The following LAPTM4B variants were observed in gnomAD, a reference collection of about 807,000 sequenced individuals.
LAPTM4B encodes the protein lysosomal protein transmembrane 4 beta.
A neutral mutation model predicts 28.5 loss-of-function variants in LAPTM4B; 26 were observed. The ratio of observed to expected loss-of-function variants is 0.91; its 90% CI spans 0.67 to 1.27. The LOEUF (loss-of-function observed/expected upper bound fraction) is 1.27. Ranked by LOEUF, LAPTM4B falls within the 50% of genes most tolerant of loss-of-function variation. The pLI is 0.00. For synonymous variants in LAPTM4B, 109 were observed against 106.4 expected (o/e 1.02, Z -0.15); for missense variants, 288 against 285.8 (o/e 1.01, Z -0.06).
At chr8:97,851,254 G>T in intron 6 of LAPTM4B, 143 bp from the exon 7 acceptor site, 2 of 688,976 alleles carry the variant, frequency 2.9e-6, no homozygotes, top group Non-Finnish European at 5.2e-6. Context: ...GTCTTTTAAT[G>T]AAGTGTATCC....
intron 5 of LAPTM4B, among the ~76,000 whole-genome samples, chr8:97,820,997 A>G (rs62524124): frequency 1 from 151,114 of 151,424 alleles, 75,407 homozygotes; most frequent in Middle Eastern, 1. Flanking sequence ...AAAGTGCTGG[A>G]ATTACAGGCA....
intron 1 of LAPTM4B, among the ~76,000 whole-genome samples, chr8:97,781,440 G>A (rs1816318342): frequency 6.6e-6 from 1 of 151,386 alleles, no homozygotes; most frequent in Non-Finnish European, 1.5e-5. Flanking sequence ...ACTGCGCTTG[G>A]CTAATTTTTG....
chr8:97,848,890 G>A (rs1447561384), intron 6 of LAPTM4B, among the ~76,000 whole-genome samples: 2 of 152,166 alleles, frequency 1.3e-5, no homozygotes, highest in Non-Finnish European at 2.9e-5. Context: ...ATATGCACAC[G>A]CAGAGAAGAC....
chr8:97,849,799 C>A (rs1817492714), intron 6 of LAPTM4B, among the ~76,000 whole-genome samples: 1 of 150,154 alleles, frequency 6.7e-6, no homozygotes, highest in South Asian at 2.1e-4. Flanking sequence ...GCCACCCCCC[C>A]TCCTCCACCC....
At chr8:97,825,513 A>T (rs1399441568) in intron 6 of LAPTM4B, among the ~76,000 whole-genome samples, 1 of 152,204 alleles carries the variant, frequency 6.6e-6, no homozygotes, top group Admixed American at 6.5e-5. Flanking sequence ...ATATTAACTC[A>T]CTTTATATGT....
At chr8:97,784,268 TG>T (rs1221906033) in intron 1 of LAPTM4B, among the ~76,000 whole-genome samples, 1 of 152,210 alleles carries the variant, frequency 6.6e-6, no homozygotes, top group African/African-American at 2.4e-5. Context: ...CGGACTGATT[TG>T]TGGCAATTGT....
rs1420134432 is a variant in LAPTM4B, at chr8:97,852,714, T to G, written c.*1240T>G. 1.7e-3 allele frequency: 199 copies of G among 120,602 alleles called. No individual in the cohort carries two copies. Among genetic ancestry groups the G allele is most frequent in the Middle Eastern group, 3.6e-3 (1 of 278 alleles). The allele number at this position is 120,602 out of a possible 1,614,324, so 7.5% of individuals were successfully genotyped here. On this transcript the variant is annotated 3_prime_UTR_variant, in exon 7 of 7. Coordinates refer to ENST00000521545, the MANE Select transcript of LAPTM4B (RefSeq NM_018407.6). ...TAGGCTTTTTTTTGGGGGGGGGAGG[T>G]CGGGTGGGGGGGATTTTTAATCTTT... is the stretch of plus-strand genomic sequence containing the variant.
chr8:97,781,585 CAGTTAAATGT>C (rs1321293775), intron 1 of LAPTM4B, among the ~76,000 whole-genome samples: 1 of 151,918 alleles, frequency 6.6e-6, no homozygotes. Context: ...GCAAAATTCA[CAGTTAAATGT>C]AGTTTATTGA....
At position 97,821,549 on chromosome 8, in the gene LAPTM4B, G is replaced by A. The variant is rs528689504; in HGVS notation, c.507+2311G>A. Among the ~76,000 whole-genome samples, 4 of 127,592 alleles carry A rather than the reference G, an allele frequency of 3.1e-5. No homozygotes were observed. In the South Asian group the frequency reaches 8.3e-4, roughly 27 times the overall value. 83.7% of individuals were successfully genotyped at this position (127,592 alleles called of 152,430 possible). ...GTAGTGAGGACGTGTGGATGTAGGG[G>A]TGGACAGGTGAGGACGTGAGGATAG... On this transcript the variant is annotated intron_variant, in intron 5 of 6. Transcript: ENST00000521545.
At chr8:97,798,314 T>C (rs1296686681) in intron 1 of LAPTM4B, among the ~76,000 whole-genome samples, 2 of 152,170 alleles carry the variant, frequency 1.3e-5, no homozygotes, top group South Asian at 4.1e-4. Flanking sequence ...CCATTTTCTA[T>C]TCACATCATT....
At chr8:97,776,168 C>T (rs1816210254) in intron 1 of LAPTM4B, 60 bp downstream of exon 1, 3 of 1,481,120 alleles carry the variant, frequency 2.0e-6, no homozygotes, top group East Asian at 2.7e-5. Context: ...AGCTGGGCTT[C>T]TGGCCCGGCC....
rs372514042 is a variant in LAPTM4B at position 97,833,484 on chromosome 8, G to A, written c.603+8331G>A. On this transcript the variant is annotated intron_variant, in intron 6 of 6. Transcript: ENST00000521545. ...TATCCAGTAAGTGCTCAGGTTTCCA[G>A]TTGTGTCATAAAGGGATAATTTTCT... Among the ~76,000 whole-genome samples the A allele has an allele frequency of 2.0e-5, 3 of 152,192 alleles. No individual in the cohort carries two copies. The East Asian group carries it at 5.8e-4, about 29-fold the overall frequency.
intron 6 of LAPTM4B, among the ~76,000 whole-genome samples, chr8:97,830,759 G>A (rs77216288): frequency 0.013 from 1,929 of 152,232 alleles, 30 homozygotes; most frequent in South Asian, 0.041. Flanking sequence ...GTCCACCGAG[G>A]TTGTAGAGTT....
intron 6 of LAPTM4B, among the ~76,000 whole-genome samples, chr8:97,825,639 G>A (rs1817080401): frequency 6.6e-6 from 1 of 152,188 alleles, no homozygotes; most frequent in Admixed American, 6.5e-5. Context: ...GATGATCTCT[G>A]TTCTGCTACT....
chr8:97,779,820 G>A (rs56326440), intron 1 of LAPTM4B, among the ~76,000 whole-genome samples: 3,901 of 151,596 alleles, frequency 0.026, 160 homozygotes, highest in African/African-American at 0.081. Flanking sequence ...TTGGGAGGCC[G>A]AGGTGAGTGG....
At chr8:97,787,721 C>A (rs1816426175) in intron 1 of LAPTM4B, among the ~76,000 whole-genome samples, 1 of 150,918 alleles carries the variant, frequency 6.6e-6, no homozygotes, top group Non-Finnish European at 1.5e-5. Context: ...AGTTCCCAAA[C>A]ACATCAATTT....
At chr8:97,799,251 G>A (rs1252225740) in intron 1 of LAPTM4B, among the ~76,000 whole-genome samples, 2 of 152,076 alleles carry the variant, frequency 1.3e-5, no homozygotes, top group African/African-American at 2.4e-5. Flanking sequence ...GTGTTTCCAG[G>A]GTCAAAGGAG....
chr8:97,796,586 A>G (rs1335114337), intron 1 of LAPTM4B, among the ~76,000 whole-genome samples: 2 of 152,212 alleles, frequency 1.3e-5, no homozygotes, highest in Non-Finnish European at 2.9e-5. Flanking sequence ...GTTTATAATC[A>G]TTGTATGTTG....
intron 6 of LAPTM4B, among the ~76,000 whole-genome samples, chr8:97,842,623 T>G (rs1485618306): frequency 1.3e-5 from 2 of 151,562 alleles, no homozygotes; most frequent in East Asian, 3.9e-4. Flanking sequence ...GGTTCAAGCA[T>G]TTCTCCTGCC....
Sources: allele counts gnomAD v4.1 joint callset (sites outside exome capture counted in the v4.1 genomes callset), GRCh38; gene constraint gnomAD v4.1.1; transcripts MANE v1.5; gene names NCBI Gene and HGNC (gene_info 2026-07-23, HGNC 2026-07-21).